NR2F1-AS1: variants seen among roughly 807,000 people sequenced by gnomAD.
NR2F1-AS1 encodes the protein NR2F1 antisense RNA 1.
intron 4 of NR2F1-AS1, among the ~76,000 whole-genome samples, chr5:93,473,316 T>C (rs1393637773): frequency 6.6e-6 from 1 of 151,980 alleles, no homozygotes; most frequent in Non-Finnish European, 1.5e-5. Flanking sequence ...TTTCTGCCAA[T>C]ATATTCTGTT....
At chr5:93,451,045 T>A (rs1749819136) in intron 4 of NR2F1-AS1, among the ~76,000 whole-genome samples, 1 of 151,436 alleles carries the variant, frequency 6.6e-6, no homozygotes, top group South Asian at 2.1e-4. Context: ...AAAACAATAA[T>A]CTGATCAATA....
chr5:93,473,818 T>C (rs1750424567), intron 4 of NR2F1-AS1, among the ~76,000 whole-genome samples: 1 of 151,846 alleles, frequency 6.6e-6, no homozygotes, highest in South Asian at 2.1e-4. Flanking sequence ...TATTCAAATT[T>C]AAATAGTGGC....
intron 4 of NR2F1-AS1, among the ~76,000 whole-genome samples, chr5:93,415,682 A>G (rs973898830): frequency 6.6e-6 from 1 of 152,226 alleles, no homozygotes; most frequent in Admixed American, 6.5e-5. Flanking sequence ...TCAAAGGCAC[A>G]TTGCCCCAAG....
intron 4 of NR2F1-AS1, among the ~76,000 whole-genome samples, chr5:93,521,441 G>A (rs1034750340): frequency 6.6e-6 from 1 of 152,100 alleles, no homozygotes; most frequent in Non-Finnish European, 1.5e-5. Context: ...CAGAATGGGA[G>A]AAAATATTTG....
intron 4 of NR2F1-AS1, among the ~76,000 whole-genome samples, chr5:93,442,335 C>A (rs545568003): frequency 1.3e-5 from 2 of 152,196 alleles, no homozygotes; most frequent in African/African-American, 4.8e-5. Flanking sequence ...TCGGGACACC[C>A]TCACCCTAAT....
intron 4 of NR2F1-AS1, among the ~76,000 whole-genome samples, chr5:93,423,572 T>G (rs1749135284): frequency 6.6e-6 from 1 of 152,206 alleles, no homozygotes. Context: ...GTAGGCACTC[T>G]TGTAAGTCAC....
At chr5:93,495,679 A>G (rs1374564367) in intron 4 of NR2F1-AS1, among the ~76,000 whole-genome samples, 2 of 152,110 alleles carry the variant, frequency 1.3e-5, no homozygotes, top group Non-Finnish European at 1.5e-5. Flanking sequence ...AAATACATGT[A>G]CTTTATAAAA....
At chr5:93,419,691 A>G (rs1749047344) in intron 4 of NR2F1-AS1, among the ~76,000 whole-genome samples, 1 of 152,240 alleles carries the variant, frequency 6.6e-6, no homozygotes, top group African/African-American at 2.4e-5. Context: ...ACAGAACTTT[A>G]AGTTTTTCTT....
chr5:93,503,964 G>C (rs1208701649), intron 4 of NR2F1-AS1, among the ~76,000 whole-genome samples: 1 of 152,100 alleles, frequency 6.6e-6, no homozygotes, highest in Non-Finnish European at 1.5e-5. Context: ...TGAATCTGGG[G>C]GTTGTCTAGG....
intron 4 of NR2F1-AS1, among the ~76,000 whole-genome samples, chr5:93,437,843 T>C (rs1396150571): frequency 6.6e-6 from 1 of 152,188 alleles, no homozygotes; most frequent in African/African-American, 2.4e-5. Context: ...TACCAAATAT[T>C]CCTTCAAAAC....
intron 4 of NR2F1-AS1, among the ~76,000 whole-genome samples, chr5:93,450,032 G>T (rs1452261167): frequency 2.0e-5 from 3 of 152,110 alleles, no homozygotes; most frequent in African/African-American, 7.2e-5. Flanking sequence ...AGATTTTAGT[G>T]GCCTCAAAGA....
intron 4 of NR2F1-AS1, among the ~76,000 whole-genome samples, chr5:93,524,418 G>A (rs577622406): frequency 1.3e-5 from 2 of 152,296 alleles, no homozygotes; most frequent in East Asian, 3.9e-4. Flanking sequence ...ATGGAACCAA[G>A]TTAGAAAACA....
At chr5:93,506,150 GC>G (rs1398894856) in intron 4 of NR2F1-AS1, among the ~76,000 whole-genome samples, 4 of 152,122 alleles carry the variant, frequency 2.6e-5, no homozygotes, top group Non-Finnish European at 5.9e-5. Context: ...TAGGGCAGGG[GC>G]AAAATGCCAC....
At chr5:93,429,622 A>G (rs945340603) in intron 4 of NR2F1-AS1, among the ~76,000 whole-genome samples, 1 of 152,208 alleles carries the variant, frequency 6.6e-6, no homozygotes, top group Non-Finnish European at 1.5e-5. Context: ...ATCAGCTCAG[A>G]TATCTTAATC....
In NR2F1-AS1 at chr5:93,476,399, G is replaced by A. The variant is rs151134227; in HGVS notation, n.638+77362C>T. 8.7e-3 allele frequency among the ~76,000 whole-genome samples: 1,328 copies of A among 152,130 alleles called. 12 individuals carry two copies. The highest frequency in any genetic ancestry group is 0.015 in the Non-Finnish European group (1,009 of 67,954). Reference sequence around the variant, plus strand: ...CTACATTTGTATTATATGTCTTAGAGACATTTAAAATCTAGATAAGGAAAG... The same window carrying A: ...CTACATTTGTATTATATGTCTTAGAAACATTTAAAATCTAGATAAGGAAAG... On this transcript the variant is annotated intron_variant and non_coding_transcript_variant, in intron 4 of 5. Coordinates refer to ENST00000660523, the Ensembl canonical transcript of NR2F1-AS1.
chr5:93,552,918 C>T (rs1438627644), intron 4 of NR2F1-AS1, among the ~76,000 whole-genome samples: 1 of 151,996 alleles, frequency 6.6e-6, no homozygotes, highest in Non-Finnish European at 1.5e-5. Context: ...TAAATACTAT[C>T]AAATTATATT....
intron 4 of NR2F1-AS1, among the ~76,000 whole-genome samples, chr5:93,513,460 A>C (rs1484946754): frequency 6.6e-6 from 1 of 152,216 alleles, no homozygotes; most frequent in Non-Finnish European, 1.5e-5. Context: ...TGGTATATAC[A>C]TACCATGGAA....
At chr5:93,564,018 C>T (rs886967282) in intron 1 of NR2F1-AS1, among the ~76,000 whole-genome samples, 1 of 142,566 alleles carries the variant, frequency 7.0e-6, no homozygotes, top group Non-Finnish European at 1.5e-5. Flanking sequence ...AAGAGAAAGG[C>T]GTGAACCCAG....
chr5:93,450,459 G>C (rs182154623), intron 4 of NR2F1-AS1, among the ~76,000 whole-genome samples: 2 of 152,154 alleles, frequency 1.3e-5, no homozygotes, highest in African/African-American at 4.8e-5. Flanking sequence ...TTGGTAATTT[G>C]GTTTAAACTG....
Sources: gnomAD v4.1 joint callset for allele counts (sites outside exome capture counted in the v4.1 genomes callset) on GRCh38, gnomAD v4.1.1 for gene constraint, MANE v1.5 for transcripts, NCBI Gene and HGNC (gene_info 2026-07-23, HGNC 2026-07-21) for gene names.